The following PTPRT variants were observed in gnomAD, a reference collection of about 807,000 sequenced individuals.
PTPRT encodes the protein protein tyrosine phosphatase receptor type T, also known as receptor-type tyrosine-protein phosphatase T.
In PTPRT, 56 loss-of-function variants were observed where a neutral mutation model predicts 176.8. The observed-to-expected ratio is 0.32, with a 90% CI of 0.26 to 0.40. The LOEUF (loss-of-function observed/expected upper bound fraction) is 0.40. Among genes scored for constraint, PTPRT ranks in the 10% least tolerant of loss-of-function variants. The pLI, the probability that PTPRT is intolerant of heterozygous loss-of-function variation, is 1.00. For synonymous variants in PTPRT, 783 were observed against 739.0 expected, an observed-to-expected ratio of 1.06 and a Z score of -0.96; for missense variants, 1,540 against 1,908.2, an observed-to-expected ratio of 0.81 and a Z score of 3.60.
chr20:42,865,308 C>T (rs1217512668), intron 2 of PTPRT, among the ~76,000 whole-genome samples: 1 of 152,200 alleles, frequency 6.6e-6, no homozygotes, highest in Non-Finnish European at 1.5e-5. Context: ...GCACAGCAGA[C>T]CCGGATCTCC....
chr20:42,068,566 C>A (rs1982178279), downstream of PTPRT, among the ~76,000 whole-genome samples: 2 of 152,146 alleles, frequency 1.3e-5, no homozygotes, highest in African/African-American at 2.4e-5. Flanking sequence ...GGACGATTGA[C>A]CAATTTTCTG....
chr20:43,083,357 T>TATATAC (rs2011514318), intron 1 of PTPRT, among the ~76,000 whole-genome samples: 1 of 126,170 alleles, frequency 7.9e-6, no homozygotes, highest in Admixed American at 8.2e-5. Flanking sequence ...TATATATATA[T>TATATAC]ATATATATAT....
At chr20:43,134,355 G>GTCAGTTTAGCAA (rs2013754950) in intron 1 of PTPRT, among the ~76,000 whole-genome samples, 1 of 151,972 alleles carries the variant, frequency 6.6e-6, no homozygotes, top group South Asian at 2.1e-4. Context: ...GTGCTGCTAG[G>GTCAGTTTAGCAA]TCAGTTTAGC....
chr20:42,236,375 A>T, intron 14 of PTPRT, 117 bp from the exon 15 acceptor site: 1 of 867,458 alleles, frequency 1.2e-6, no homozygotes, highest in Non-Finnish European at 1.9e-6. Context: ...TGCACATATT[A>T]TTTCAGCATC....
intron 1 of PTPRT, among the ~76,000 whole-genome samples, chr20:43,032,351 G>A (rs1206847043): frequency 2.6e-5 from 4 of 151,748 alleles, no homozygotes; most frequent in South Asian, 2.1e-4. Flanking sequence ...TTCCACCATT[G>A]CACAAAATTC....
chr20:42,791,174 A>C, intron 3 of PTPRT, 21 bp downstream of exon 3: 2 of 1,545,072 alleles, frequency 1.3e-6, no homozygotes, highest in South Asian at 2.5e-5. Context: ...TCAAAAATAA[A>C]ACCATGGTAA....
chr20:42,095,483 CCT>C (rs774790393), intron 27 of PTPRT, among the ~76,000 whole-genome samples: 6 of 152,208 alleles, frequency 3.9e-5, no homozygotes, highest in Non-Finnish European at 5.9e-5. Context: ...GTGATGCCCC[CCT>C]GAGAGTCACA....
At chr20:42,410,575 C>T (rs962708353) in intron 9 of PTPRT, among the ~76,000 whole-genome samples, 4 of 151,792 alleles carry the variant, frequency 2.6e-5, no homozygotes, top group South Asian at 2.1e-4. Context: ...AACCACTTGA[C>T]CTAAGTGATG....
At chr20:42,825,552 TAC>T (rs2077977853) in intron 2 of PTPRT, among the ~76,000 whole-genome samples, 1 of 152,182 alleles carries the variant, frequency 6.6e-6, no homozygotes, top group African/African-American at 2.4e-5. Context: ...AGCATATGCA[TAC>T]ACATGTGTGT....
rs57774363 is a variant in PTPRT at position 42,520,841 on chromosome 20, GTAGATAGATAGATAGATAGA to G, written c.1154-48299_1154-48280del. Among the ~76,000 whole-genome samples the G allele has an allele frequency of 3.4e-3, 483 of 143,904 alleles. 2 individuals carry two copies. The highest frequency in any genetic ancestry group is 0.012 in the African/African-American group (443 of 38,418). The allele number at this position is 143,904 out of a possible 152,430, so 94.4% of individuals were successfully genotyped here. A position where few individuals can be genotyped will look rare whatever the true frequency, so the allele number is the denominator to read the frequency against. On this transcript the variant is annotated intron_variant, in intron 7 of 30. Transcript: ENST00000373187. ...TATATATGTATGTATGGGTGTGTGT[GTAGATAGATAGATAGATAGA>G]TAGATAGATAGATAGATAGATAGAT...
chr20:42,623,707 C>A (rs2074240334), intron 7 of PTPRT, among the ~76,000 whole-genome samples: 1 of 152,110 alleles, frequency 6.6e-6, no homozygotes, highest in Non-Finnish European at 1.5e-5. Flanking sequence ...CCACGTGCTT[C>A]TTCTGGGACC....
intron 1 of PTPRT, among the ~76,000 whole-genome samples, chr20:42,937,984 A>G (rs778543805): frequency 9.2e-5 from 14 of 152,112 alleles, no homozygotes; most frequent in Non-Finnish European, 1.5e-4. Context: ...AAAACATAAT[A>G]AAATCATGAC....
chr20:42,217,167 AG>A (rs750400731), intron 15 of PTPRT, among the ~76,000 whole-genome samples: 2 of 152,112 alleles, frequency 1.3e-5, no homozygotes, highest in Non-Finnish European at 2.9e-5. Flanking sequence ...TGAGGACAGG[AG>A]TTCGAGACCA....
At chr20:42,753,024 C>A (rs766614714) in intron 6 of PTPRT, among the ~76,000 whole-genome samples, 2 of 152,152 alleles carry the variant, frequency 1.3e-5, no homozygotes, top group Non-Finnish European at 2.9e-5. Flanking sequence ...CTCCAGCAAT[C>A]TGGAAGTTAG....
intron 4 of PTPRT, among the ~76,000 whole-genome samples, chr20:42,779,363 G>C (rs1412139714): frequency 2.0e-5 from 3 of 152,136 alleles, no homozygotes; most frequent in Non-Finnish European, 1.5e-5. Flanking sequence ...GAGCCCACAG[G>C]GGGTTACCTA....
At chr20:42,141,709 C>G (rs1988639766) in intron 18 of PTPRT, among the ~76,000 whole-genome samples, 1 of 151,830 alleles carries the variant, frequency 6.6e-6, no homozygotes, top group Non-Finnish European at 1.5e-5. Context: ...CCTGCCTGCT[C>G]CCTCTGGCTG....
chr20:42,917,676 C>A (rs1978865633), intron 1 of PTPRT, among the ~76,000 whole-genome samples: 2 of 152,112 alleles, frequency 1.3e-5, no homozygotes, highest in African/African-American at 4.8e-5. Context: ...CAACCTAGAA[C>A]AGAAGGGAAC....
intron 1 of PTPRT, among the ~76,000 whole-genome samples, chr20:43,088,229 G>A (rs2011682548): frequency 6.6e-6 from 1 of 152,008 alleles, no homozygotes; most frequent in Admixed American, 6.6e-5. Flanking sequence ...TAGTCAACAT[G>A]AATAATACCA....
intron 6 of PTPRT, among the ~76,000 whole-genome samples, chr20:42,681,044 A>G (rs1219051046): frequency 6.6e-6 from 1 of 152,182 alleles, no homozygotes; most frequent in Admixed American, 6.5e-5. Context: ...TCAGTGATCC[A>G]TTGATTCATA....
Sources: allele counts gnomAD v4.1 joint callset (sites outside exome capture counted in the v4.1 genomes callset), GRCh38; gene constraint gnomAD v4.1.1; transcripts MANE v1.5; gene names NCBI Gene and HGNC (gene_info 2026-07-23, HGNC 2026-07-21).